Variants in SCN8A observed in about 807,000 individuals in gnomAD.
SCN8A encodes sodium voltage-gated channel alpha subunit 8.
Under a neutral mutation model 184.1 loss-of-function variants are expected in SCN8A, and 30 were observed. The observed-to-expected ratio is 0.16, with a 90% CI of 0.12 to 0.22. SCN8A has a LOEUF of 0.22. Ranked by LOEUF, SCN8A falls within the 10% of genes least tolerant of loss-of-function variation. The pLI, the probability that SCN8A is intolerant of heterozygous loss-of-function variation, is 1.00. For synonymous variants in SCN8A, 852 were observed against 907.0 expected, an observed-to-expected ratio of 0.94 and a Z score of 1.09; for missense variants, 1,057 against 2,498.9, an observed-to-expected ratio of 0.42 and a Z score of 12.30.
chr12:51,627,864 G>A (rs932645923), intron 1 of SCN8A, among the ~76,000 whole-genome samples: 6 of 152,200 alleles, frequency 3.9e-5, no homozygotes, highest in African/African-American at 1.4e-4. Flanking sequence ...TAACTAGGGA[G>A]CATTCATATT....
intron 1 of SCN8A, among the ~76,000 whole-genome samples, chr12:51,631,438 A>G (rs1458198587): frequency 6.6e-6 from 1 of 152,190 alleles, no homozygotes; most frequent in East Asian, 1.9e-4. Context: ...TAAGTTGTTT[A>G]TTTATTCTTG....
intron 26 of SCN8A, among the ~76,000 whole-genome samples, chr12:51,796,003 C>T (rs1475418977): frequency 6.6e-6 from 1 of 151,992 alleles, no homozygotes; most frequent in Non-Finnish European, 1.5e-5. Flanking sequence ...GCTGAGATCA[C>T]GCCATTACAC....
intron 1 of SCN8A, among the ~76,000 whole-genome samples, chr12:51,593,554 A>C (rs1446627564): frequency 6.6e-6 from 1 of 152,082 alleles, no homozygotes; most frequent in African/African-American, 2.4e-5. Context: ...ACCCTTAAGA[A>C]TTTTTTCTCC....
chr12:51,662,587 C>T (rs1431676166), intron 1 of SCN8A, among the ~76,000 whole-genome samples, 177 bp from the exon 2 acceptor site: 2 of 152,120 alleles, frequency 1.3e-5, no homozygotes, highest in East Asian at 3.9e-4. Context: ...TTTGATCTCC[C>T]TTGGCAGATC....
chr12:51,605,857 A>AT (rs375395777), intron 1 of SCN8A, among the ~76,000 whole-genome samples: 5,592 of 151,908 alleles, frequency 0.037, 339 homozygotes, highest in African/African-American at 0.13. Flanking sequence ...GATGTTGAGC[A>AT]TTTTTTCATA....
intron 26 of SCN8A, among the ~76,000 whole-genome samples, chr12:51,798,075 T>C (rs1938457086): frequency 1.3e-5 from 2 of 152,162 alleles, no homozygotes; most frequent in Admixed American, 6.5e-5. Context: ...ATTCAAAGCA[T>C]ACATGGCCTT....
At chr12:51,660,624 ATCT>A (rs1286913581) in intron 1 of SCN8A, among the ~76,000 whole-genome samples, 1 of 152,178 alleles carries the variant, frequency 6.6e-6, no homozygotes, top group East Asian at 1.9e-4. Context: ...TGTGTTTCAA[ATCT>A]TCTTCTGGCT....
At chr12:51,694,606 T>A (rs1211396194) in intron 6 of SCN8A, among the ~76,000 whole-genome samples, 1 of 152,242 alleles carries the variant, frequency 6.6e-6, no homozygotes, top group East Asian at 1.9e-4. Flanking sequence ...ACGTGGCTTC[T>A]GTTGCACACT....
chr12:51,618,037 C>G (rs886560201), intron 1 of SCN8A, among the ~76,000 whole-genome samples: 3 of 152,140 alleles, frequency 2.0e-5, no homozygotes, highest in African/African-American at 7.2e-5. Flanking sequence ...CCCAGACTTT[C>G]CAGATCTGAA....
chr12:51,712,613 T>C lies in SCN8A; in HGVS notation c.1635+5898T>C, dbSNP rs1029420971. Reference sequence around the variant, plus strand: ...TCCACTATAATTTCTAAAATCATTATAGTTCCCACCACCACCATAGTTACC... The same window carrying C: ...TCCACTATAATTTCTAAAATCATTACAGTTCCCACCACCACCATAGTTACC... On this transcript the variant is annotated intron_variant, in intron 11 of 26. Transcript: ENST00000627620. The C allele has an allele frequency of 6.4e-6, 5 of 777,556 alleles. No individual in the cohort carries two copies. The African/African-American group carries it at 6.7e-5, about 10-fold the overall frequency. 48.2% of individuals were successfully genotyped at this position (777,556 alleles called of 1,614,324 possible). A position where few individuals can be genotyped will look rare whatever the true frequency, so the allele number is the denominator to read the frequency against.
Position 51,633,817 on chromosome 12 carries a change from T to C in SCN8A, c.-54-28947T>C, listed in dbSNP as rs146484441. On this transcript the variant is annotated intron_variant, in intron 1 of 26. Coordinates refer to ENST00000627620, the MANE Select transcript of SCN8A (RefSeq NM_001330260.2). ...GGCGCAGACTAGGGAAGAGATACTTTGGTGAAAATATCTCTGTATAATTGT... is the reference window on the plus strand; with the variant it reads ...GGCGCAGACTAGGGAAGAGATACTTCGGTGAAAATATCTCTGTATAATTGT... Among the ~76,000 whole-genome samples the C allele has an allele frequency of 3.9e-3, 594 of 152,338 alleles. 5 individuals carry two copies. Among genetic ancestry groups the C allele is most frequent in the African/African-American group, 0.014 (566 of 41,564 alleles).
intron 12 of SCN8A, among the ~76,000 whole-genome samples, chr12:51,741,473 A>G (rs967501051): frequency 7.9e-5 from 12 of 152,078 alleles, no homozygotes; most frequent in African/African-American, 1.9e-4. Flanking sequence ...GTTATTACTG[A>G]TAAGTTGGGA....
intron 11 of SCN8A, among the ~76,000 whole-genome samples, chr12:51,711,381 A>G (rs930417425): frequency 5.9e-5 from 9 of 152,250 alleles, no homozygotes; most frequent in Non-Finnish European, 1.0e-4. Flanking sequence ...TGCCAAGAGT[A>G]GCTTAAGATG....
chr12:51,794,285 C>T (rs1396246308), intron 25 of SCN8A, 86 bp from the exon 26 acceptor site: 38 of 1,362,126 alleles, frequency 2.8e-5, no homozygotes, highest in Non-Finnish European at 3.6e-5. Context: ...GGAGAGGGTA[C>T]CTCGATTAGC....
intron 12 of SCN8A, among the ~76,000 whole-genome samples, chr12:51,730,963 T>C (rs2138799912): frequency 6.6e-6 from 1 of 152,310 alleles, no homozygotes; most frequent in Admixed American, 6.5e-5. Context: ...GAACATGTGA[T>C]GTTTGTCTTC....
intron 1 of SCN8A, among the ~76,000 whole-genome samples, chr12:51,649,752 G>A (rs1940669304): frequency 6.6e-6 from 1 of 152,190 alleles, no homozygotes; most frequent in South Asian, 2.1e-4. Flanking sequence ...GGCCTGTGAT[G>A]GGAGGGGCTG....
At chr12:51,602,012 T>C (rs1939478171) in intron 1 of SCN8A, among the ~76,000 whole-genome samples, 1 of 152,064 alleles carries the variant, frequency 6.6e-6, no homozygotes, top group Non-Finnish European at 1.5e-5. Flanking sequence ...CTTATAGGCA[T>C]TGCTTCTGTT....
At chr12:51,713,535 C>T (rs1382335698) in intron 11 of SCN8A, 2 of 743,418 alleles carry the variant, frequency 2.7e-6, no homozygotes, top group African/African-American at 3.4e-5. Context: ...GGTCATGGCC[C>T]TCTTCCTGCC....
At chr12:51,655,157 C>T (rs991167949) in intron 1 of SCN8A, among the ~76,000 whole-genome samples, 3 of 152,138 alleles carry the variant, frequency 2.0e-5, no homozygotes, top group Non-Finnish European at 4.4e-5. Flanking sequence ...GCTCAGCCCC[C>T]CATAGTGCTG....
Sources: gnomAD v4.1 joint callset for allele counts (sites outside exome capture counted in the v4.1 genomes callset) on GRCh38, gnomAD v4.1.1 for gene constraint, MANE v1.5 for transcripts, NCBI Gene and HGNC (gene_info 2026-07-23, HGNC 2026-07-21) for gene names.